Variants in ABCA4 observed in about 807,000 individuals in gnomAD.
ABCA4 encodes retinal-specific phospholipid-transporting ATPase ABCA4.
In ABCA4, 196 loss-of-function variants were observed where a neutral mutation model predicts 263.7. The ratio of observed to expected loss-of-function variants is 0.74; its 90% CI spans 0.66 to 0.84. The LOEUF (loss-of-function observed/expected upper bound fraction) is 0.84. ABCA4 is among the 40% of genes least tolerant of loss of function. The pLI, the probability that ABCA4 is intolerant of heterozygous loss-of-function variation, is 0.00. For synonymous variants in ABCA4, 1,133 were observed against 1,094.2 expected (o/e 1.04, Z -0.70); for missense variants, 2,792 against 2,855.1 (o/e 0.98, Z 0.50).
chr1:94,014,441 T>A, intron 38 of ABCA4, 102 bp downstream of exon 38: 1 of 1,370,744 alleles, frequency 7.3e-7, no homozygotes, highest in Non-Finnish European at 1.0e-6. Context: ...CTCATCCGCA[T>A]ACAGCTGCTA....
In ABCA4 at chr1:94,055,128, A is replaced by G. The variant is rs768435443; in HGVS notation, c.2570T>C (p.Leu857Pro). The change falls in exon 16 of 50, where the codon CTT becomes CCT. Residue 857 changes from leucine to proline, a missense_variant. Physicochemically the swap from Leu to Pro is moderately conservative, Grantham distance 98. Coordinates refer to ENST00000370225, the MANE Select transcript of ABCA4 (RefSeq NM_000350.3). ...ATGCTTACCTGGAAACACCTGATCA[A>G]GGTACCAAGCGAGTAAGCCATAGAC... ...AAVYGLLAWYLDQVFPGDYGT... is the reference protein window; with the variant it reads ...AAVYGLLAWYPDQVFPGDYGT... The G allele has an allele frequency of 6.2e-7, 1 of 1,614,188 alleles. No homozygotes were observed. The highest frequency in any genetic ancestry group is 1.7e-5 in the Admixed American group (1 of 60,026).
At chr1:94,116,968 C>CTTTCTTTCTTTCTTTCTTTCTT (rs764312285) in intron 1 of ABCA4, among the ~76,000 whole-genome samples, 2 of 99,940 alleles carry the variant, frequency 2.0e-5, no homozygotes, top group East Asian at 6.4e-4. Flanking sequence ...TTCTTTCTTT[C>CTTTCTTTCTTTCTTTCTTTCTT]TCTTTCTTTC....
At chr1:94,048,067 C>T (rs1660734744) in intron 18 of ABCA4, among the ~76,000 whole-genome samples, 1 of 152,186 alleles carries the variant, frequency 6.6e-6, no homozygotes, top group Admixed American at 6.5e-5. Flanking sequence ...AGGATCTTGC[C>T]AGAGGCATGG....
Position 94,044,632 on chromosome 1 carries a change from G to T in ABCA4, c.3031C>A (p.His1011Asn). The stretch of plus-strand genomic sequence containing the variant: ...GCTTACTGGTGGAACAGGATGTTGT[G>T]CTGTGGACACATGCCAAGGCTCTGC... The part of the protein sequence containing the change: ...VRQSLGMCPQ[H>N]NILFHHLTVA... The change falls in exon 20 of 50, where the codon CAC becomes AAC. Residue 1011 changes from histidine to asparagine, a missense_variant. Physicochemically the swap from His to Asn is moderately conservative, Grantham distance 68 (BLOSUM62 1). Transcript: ENST00000370225. The T allele has an allele frequency of 6.2e-7, 1 of 1,614,198 alleles. No homozygotes were observed. Among genetic ancestry groups the T allele is most frequent in the Non-Finnish European group, 8.5e-7 (1 of 1,180,038 alleles).
chr1:94,083,757 G>A (rs1661764349), intron 6 of ABCA4, among the ~76,000 whole-genome samples: 2 of 152,188 alleles, frequency 1.3e-5, no homozygotes, highest in Non-Finnish European at 2.9e-5. Context: ...CTGGAGGAAG[G>A]AAAACAGAGT....
chr1:94,052,008 T>A (rs1006450652), intron 16 of ABCA4, among the ~76,000 whole-genome samples: 1 of 152,182 alleles, frequency 6.6e-6, no homozygotes, highest in African/African-American at 2.4e-5. Context: ...AGTCAGATAA[T>A]AATAATGGTG....
At chr1:94,020,496 A>G (rs958504218) in intron 35 of ABCA4, among the ~76,000 whole-genome samples, 1 of 152,260 alleles carries the variant, frequency 6.6e-6, no homozygotes, top group Admixed American at 6.5e-5. Context: ...AGCTTAGAAC[A>G]AATGACTGGA....
Position 94,042,910 on chromosome 1 carries a change from A to C in ABCA4, c.3191-12T>G. ...TCTCTGCATGCCACCTGGAGGCACA[A>C]GAAGGACGGGAGAGTTAAGGGGCTG... On this transcript the variant is annotated splice_polypyrimidine_tract_variant and intron_variant, in intron 21 of 49. Coordinates refer to ENST00000370225, the MANE Select transcript of ABCA4 (RefSeq NM_000350.3). 2.5e-6 allele frequency: 4 copies of C among 1,614,214 alleles called. No individual in the cohort carries two copies. The highest frequency in any genetic ancestry group is 3.4e-6 in the Non-Finnish European group (4 of 1,180,038).
intron 3 of ABCA4, 144 bp downstream of exon 3, chr1:94,111,294 C>G (rs112591902): frequency 8.5e-6 from 10 of 1,172,452 alleles, no homozygotes; most frequent in Admixed American, 4.3e-5. Context: ...AGAGAGGAAA[C>G]CTGCTCTGCT....
chr1:94,033,374 T>C (rs1428373021), intron 26 of ABCA4, among the ~76,000 whole-genome samples: 1 of 145,858 alleles, frequency 6.9e-6, no homozygotes, highest in South Asian at 2.1e-4. Context: ...CAGTGAGCTA[T>C]GATCGAGCCG....
Position 94,008,256 on chromosome 1 carries a change from A to G in ABCA4, c.5877T>C (p.Cys1959=), listed in dbSNP as rs770133748. Residue 1959 remains cysteine, a synonymous_variant, in exon 42 of 50, where the codon TGT becomes TGC. Coordinates refer to ENST00000370225, the MANE Select transcript of ABCA4 (RefSeq NM_000350.3). ...GTSSPAVDRL[C]VGVRPGECFG... ...CCACCTCTCCAGGGCGAACTCCGAC[A>G]CACAGCCTGTCCACTGCTGGGCTGG... 2 of 1,614,164 alleles carry G rather than the reference A, an allele frequency of 1.2e-6. No individual in the cohort carries two copies. Among genetic ancestry groups the G allele is most frequent in the South Asian group, 2.2e-5 (2 of 91,082 alleles).
At chr1:94,070,374 C>T (rs1241623579) in intron 11 of ABCA4, among the ~76,000 whole-genome samples, 1 of 152,156 alleles carries the variant, frequency 6.6e-6, no homozygotes, top group Non-Finnish European at 1.5e-5. Context: ...TTCTTCTCCC[C>T]TGATGCTGCA....
chr1:94,112,760 A>T (rs1213564501), intron 2 of ABCA4, among the ~76,000 whole-genome samples: 1 of 152,224 alleles, frequency 6.6e-6, no homozygotes, highest in Non-Finnish European at 1.5e-5. Flanking sequence ...CTAACACTGT[A>T]CTCCAGCCTC....
At chr1:94,029,669 A>T in intron 29 of ABCA4, 38 bp from the exon 30 acceptor site, 1 of 1,588,006 alleles carries the variant, frequency 6.3e-7, no homozygotes, top group Non-Finnish European at 8.6e-7. Context: ...AATCAGCCTC[A>T]AAGTTGCTGA....
At chr1:94,012,998 A>G (rs1659594937) in intron 38 of ABCA4, among the ~76,000 whole-genome samples, 1 of 150,146 alleles carries the variant, frequency 6.7e-6, no homozygotes, top group Non-Finnish European at 1.5e-5. Flanking sequence ...TTTACATGAA[A>G]ATACCAGGTT....
At chr1:94,088,510 C>G (rs1661890019) in intron 6 of ABCA4, among the ~76,000 whole-genome samples, 2 of 152,236 alleles carry the variant, frequency 1.3e-5, no homozygotes, top group South Asian at 4.1e-4. Context: ...GGGCATCTGC[C>G]TAGATCCAGC....
chr1:94,101,013 C>T (rs995582624), intron 5 of ABCA4, among the ~76,000 whole-genome samples: 1 of 152,214 alleles, frequency 6.6e-6, no homozygotes, highest in Admixed American at 6.5e-5. Flanking sequence ...CTCTGCGAAG[C>T]GCAGATGGCT....
chr1:94,120,908 A>AC, intron 1 of ABCA4, 72 bp downstream of exon 1: 3 of 171,162 alleles, frequency 1.8e-5, no homozygotes, highest in South Asian at 7.5e-5. Flanking sequence ...CTACCCCACC[A>AC]CCCCACCCCA....
Position 94,021,694 on chromosome 1 carries a change from G to A in ABCA4, c.4794C>T (p.Ala1598=), listed in dbSNP as rs752836422. 2.5e-6 allele frequency: 4 copies of A among 1,613,386 alleles called. No individual in the cohort carries two copies. The highest frequency in any genetic ancestry group is 3.4e-6 in the Non-Finnish European group (4 of 1,179,612). ...TAAGGAAATCAGGTATTTCTTTAGA[G>A]GCCTCTCTAGTGATAGGGCCCTAAA... is the stretch of plus-strand genomic sequence containing the variant. The part of the protein sequence containing the change: ...NVSGGPITRE[A]SKEIPDFLKH... Residue 1598 remains alanine, a synonymous_variant, in exon 34 of 50, where the codon GCC becomes GCT. Transcript: ENST00000370225.
Sources: gnomAD v4.1 joint callset for allele counts (sites outside exome capture counted in the v4.1 genomes callset) on GRCh38, gnomAD v4.1.1 for gene constraint, MANE v1.5 for transcripts, NCBI Gene and HGNC (gene_info 2026-07-23, HGNC 2026-07-21) for gene names.